RANBP2: variants seen among roughly 807,000 people sequenced by gnomAD.
RANBP2 encodes RAN binding protein 2.
RANBP2 carries 57 observed loss-of-function variants against 303.6 expected under a neutral mutation model. The observed-to-expected ratio is 0.19, with a 90% CI of 0.15 to 0.23. The LOEUF (loss-of-function observed/expected upper bound fraction) is 0.23. Ranked by LOEUF, RANBP2 falls within the 10% of genes least tolerant of loss-of-function variation. RANBP2 has a pLI of 1.00. For synonymous variants in RANBP2, 1,167 were observed against 1,301.5 expected (o/e 0.90, Z 2.23); for missense variants, 3,138 against 3,780.8 (o/e 0.83, Z 4.46).
intron 6 of RANBP2, among the ~76,000 whole-genome samples, chr2:108,737,263 A>G (rs897187716): frequency 2.6e-5 from 4 of 151,720 alleles, no homozygotes; most frequent in Admixed American, 1.3e-4. Context: ...TTTGGTCACA[A>G]GTTCCTTTTA....
At chr2:109,384,133 T>TCC in the RANBP2 span, among the ~76,000 whole-genome samples, 2 of 152,148 alleles carry the variant, frequency 1.3e-5, no homozygotes, top group African/African-American at 4.8e-5. Flanking sequence ...GGCAGTGCCC[T>TCC]CCCCACAGTT....
At chr2:109,251,785 TTA>T in the RANBP2 span, 1 of 524,446 alleles carries the variant, frequency 1.9e-6, no homozygotes, top group Non-Finnish European at 3.4e-6. Flanking sequence ...AAAAAAAGAA[TTA>T]GATAATACTA....
the RANBP2 span, among the ~76,000 whole-genome samples, chr2:109,693,828 C>T: frequency 6.6e-6 from 1 of 152,196 alleles, no homozygotes; most frequent in African/African-American, 2.4e-5. Context: ...TTCTGACCAC[C>T]TTGGGCACAT....
the RANBP2 span, among the ~76,000 whole-genome samples, chr2:109,007,732 GA>G: frequency 6.6e-6 from 1 of 152,188 alleles, no homozygotes; most frequent in African/African-American, 2.4e-5. Context: ...GTTAGTAACA[GA>G]TATTTTACTG....
chr2:108,863,081 T>TTTGATATC, the RANBP2 span, among the ~76,000 whole-genome samples: 1 of 152,354 alleles, frequency 6.6e-6, no homozygotes, highest in South Asian at 2.1e-4. Flanking sequence ...AGGTTGTTAA[T>TTTGATATC]TTGATATCTT....
At chr2:109,245,467 C>T in the RANBP2 span, among the ~76,000 whole-genome samples, 3 of 152,168 alleles carry the variant, frequency 2.0e-5, no homozygotes, top group African/African-American at 4.8e-5. Context: ...CACATTAGTG[C>T]TTCCTATGTG....
At chr2:109,016,342 C>T in the RANBP2 span, among the ~76,000 whole-genome samples, 3 of 152,278 alleles carry the variant, frequency 2.0e-5, no homozygotes, top group South Asian at 2.1e-4. Flanking sequence ...CTGCCTCGGC[C>T]TCCCAAAGTG....
At chr2:109,395,132 A>G in the RANBP2 span, among the ~76,000 whole-genome samples, 214 of 152,372 alleles carry the variant, frequency 1.4e-3, no homozygotes, top group Middle Eastern at 3.4e-3. Context: ...ACAGATCTGT[A>G]GCAGTGCCTG....
chr2:109,544,145 G>A, the RANBP2 span: 1 of 1,545,836 alleles, frequency 6.5e-7, no homozygotes, highest in Non-Finnish European at 8.7e-7. Context: ...CTTATGTATT[G>A]ACCTTGTACT....
rs76221103 is a variant in RANBP2 at position 108,765,846 on chromosome 2, G to A, written c.5307G>A (p.Lys1769=). The A allele has an allele frequency of 8.6e-4, 1,381 of 1,614,158 alleles. 9 individuals are homozygous for A. The African/African-American group carries it at 0.016, about 19-fold the overall frequency. The change falls in exon 20 of 29, where the codon AAG becomes AAA. Residue 1769 remains lysine, a synonymous_variant. Coordinates refer to ENST00000283195, the MANE Select transcript of RANBP2 (RefSeq NM_006267.5). ...CACCTGCCTCTTCGGAGATAAGCAA[G>A]GCTCCAAAGAGTGGATTTGAAGGAA... ...ISTPASSEIS[K]APKSGFEGMF...
At chr2:109,019,177 C>T in the RANBP2 span, among the ~76,000 whole-genome samples, 4 of 152,336 alleles carry the variant, frequency 2.6e-5, no homozygotes, top group East Asian at 1.9e-4. Context: ...ACAACCGACC[C>T]GTGCCTCAGT....
At chr2:108,894,077 C>T in the RANBP2 span, among the ~76,000 whole-genome samples, 2 of 152,140 alleles carry the variant, frequency 1.3e-5, no homozygotes, top group Non-Finnish European at 2.9e-5. Context: ...GACCCACATT[C>T]AACTGAGCCC....
the RANBP2 span, among the ~76,000 whole-genome samples, chr2:108,953,852 A>G: frequency 6.6e-6 from 1 of 152,204 alleles, no homozygotes; most frequent in Non-Finnish European, 1.5e-5. Context: ...TTGTGTGCCC[A>G]AGGGTCAAGT....
the RANBP2 span, chr2:109,585,273 G>A: frequency 4.3e-6 from 7 of 1,611,226 alleles, no homozygotes; most frequent in African/African-American, 6.7e-5. Context: ...TTCAAAATTA[G>A]TATTAAACAA....
chr2:109,545,149 G>C, the RANBP2 span: 22 of 985,210 alleles, frequency 2.2e-5, no homozygotes, highest in Non-Finnish European at 4.8e-6. Context: ...GGGAACATGG[G>C]AGCATGCAAC....
At chr2:109,004,578 G>C in the RANBP2 span, among the ~76,000 whole-genome samples, 2 of 152,176 alleles carry the variant, frequency 1.3e-5, no homozygotes, top group Non-Finnish European at 2.9e-5. Flanking sequence ...ACAGGAGTGG[G>C]TTCCACCACT....
At chr2:109,079,500 C>G in the RANBP2 span, among the ~76,000 whole-genome samples, 1 of 152,172 alleles carries the variant, frequency 6.6e-6, no homozygotes, top group Non-Finnish European at 1.5e-5. Context: ...TATATCAAAA[C>G]ATCGTGCTGT....
chr2:109,373,381 A>G, the RANBP2 span, among the ~76,000 whole-genome samples: 1 of 152,230 alleles, frequency 6.6e-6, no homozygotes, highest in Non-Finnish European at 1.5e-5. Flanking sequence ...GTTCATTACA[A>G]TGGCCCTAAA....
the RANBP2 span, among the ~76,000 whole-genome samples, chr2:108,968,692 C>T: frequency 6.6e-6 from 1 of 152,174 alleles, no homozygotes; most frequent in East Asian, 1.9e-4. Flanking sequence ...AATTTGCCCC[C>T]TTTACTCTGG....
Sources: allele counts gnomAD v4.1 joint callset (sites outside exome capture counted in the v4.1 genomes callset), GRCh38; gene constraint gnomAD v4.1.1; transcripts MANE v1.5; gene names NCBI Gene and HGNC (gene_info 2026-07-23, HGNC 2026-07-21).